The following AGMO variants were observed in gnomAD, a reference collection of about 807,000 sequenced individuals.
AGMO encodes glyceryl-ether monooxygenase.
Under a neutral mutation model 60.2 loss-of-function variants are expected in AGMO, and 75 were observed. The observed-to-expected ratio is 1.25, with a 90% CI of 1.03 to 1.51. AGMO has a LOEUF of 1.51. Among genes scored for constraint, AGMO ranks in the 40% most tolerant of loss-of-function variants. The pLI, the probability that AGMO is intolerant of heterozygous loss-of-function variation, is 0.00. For synonymous variants in AGMO, 261 were observed against 177.1 expected (o/e 1.47, Z -3.76); for missense variants, 763 against 525.5 (o/e 1.45, Z -4.42).
intron 8 of AGMO, among the ~76,000 whole-genome samples, chr7:15,389,736 T>C (rs962554797): frequency 6.6e-6 from 1 of 152,166 alleles, no homozygotes; most frequent in African/African-American, 2.4e-5. Context: ...ATTATTTAAA[T>C]TCTGAGAACC....
At chr7:15,416,632 C>T (rs1298169341) in intron 5 of AGMO, among the ~76,000 whole-genome samples, 2 of 152,022 alleles carry the variant, frequency 1.3e-5, no homozygotes, top group African/African-American at 2.4e-5. Flanking sequence ...ATATGCAGGG[C>T]TCTTTGGCTA....
intron 3 of AGMO, among the ~76,000 whole-genome samples, chr7:15,436,052 C>A (rs1178755843): frequency 6.6e-6 from 1 of 152,102 alleles, no homozygotes; most frequent in African/African-American, 2.4e-5. Flanking sequence ...TGGTTTCACT[C>A]ATAATCTGGA....
chr7:15,542,328 T>C (rs1245706605), intron 3 of AGMO, among the ~76,000 whole-genome samples: 2 of 152,182 alleles, frequency 1.3e-5, no homozygotes, highest in Non-Finnish European at 2.9e-5. Context: ...TGCCTGCCTT[T>C]TTTACTGGAT....
chr7:15,382,999 T>A (rs909431148), intron 10 of AGMO, among the ~76,000 whole-genome samples: 1 of 151,580 alleles, frequency 6.6e-6, no homozygotes, highest in African/African-American at 2.4e-5. Context: ...ATCACCTCAA[T>A]TTTTTTTTCA....
intron 12 of AGMO, among the ~76,000 whole-genome samples, chr7:15,353,621 C>T (rs905253794): frequency 2.0e-5 from 3 of 152,028 alleles, no homozygotes; most frequent in Middle Eastern, 3.2e-3. Flanking sequence ...GAAATTTTTC[C>T]GAAAACACCT....
chr7:15,522,220 T>A (rs75588563), intron 3 of AGMO, among the ~76,000 whole-genome samples: 120,141 of 152,086 alleles, frequency 0.79, 47,594 homozygotes, highest in East Asian at 0.97. Flanking sequence ...AAATGGAAAA[T>A]TATTCCATGC....
chr7:15,527,072 C>A (rs531087851), intron 3 of AGMO, among the ~76,000 whole-genome samples: 4 of 152,084 alleles, frequency 2.6e-5, no homozygotes, highest in African/African-American at 9.6e-5. Flanking sequence ...GAAATTAAGC[C>A]AATTAATAAC....
At chr7:15,518,908 C>T (rs1783901282) in intron 3 of AGMO, among the ~76,000 whole-genome samples, 1 of 151,678 alleles carries the variant, frequency 6.6e-6, no homozygotes, top group Non-Finnish European at 1.5e-5. Context: ...TGCAAGGAAG[C>T]TAAGAATATT....
At chr7:15,479,981 A>G (rs901616058) in intron 3 of AGMO, among the ~76,000 whole-genome samples, 1 of 152,168 alleles carries the variant, frequency 6.6e-6, no homozygotes, top group Non-Finnish European at 1.5e-5. Context: ...AAAAAGCAAC[A>G]TGAATCTGTT....
chr7:15,333,094 G>A (rs1781546544), intron 12 of AGMO, among the ~76,000 whole-genome samples: 1 of 152,036 alleles, frequency 6.6e-6, no homozygotes. Context: ...ATAATATCCT[G>A]CGCTAATGTG....
At chr7:15,284,533 A>T (rs980384713) in intron 12 of AGMO, among the ~76,000 whole-genome samples, 3 of 152,016 alleles carry the variant, frequency 2.0e-5, no homozygotes, top group Non-Finnish European at 4.4e-5. Context: ...AGAAATACAA[A>T]CCCTGAACAC....
At chr7:15,318,433 G>A (rs912022088) in intron 12 of AGMO, among the ~76,000 whole-genome samples, 2 of 152,038 alleles carry the variant, frequency 1.3e-5, no homozygotes, top group Admixed American at 6.6e-5. Context: ...ACTCAAAATG[G>A]CATTATTTAA....
chr7:15,474,235 A>G (rs1304875870), intron 3 of AGMO, among the ~76,000 whole-genome samples: 1 of 152,180 alleles, frequency 6.6e-6, no homozygotes, highest in African/African-American at 2.4e-5. Context: ...AAGAGCCCAT[A>G]TAGCCAAGAC....
the AGMO span, among the ~76,000 whole-genome samples, chr7:15,187,380 T>C: frequency 6.6e-6 from 1 of 152,176 alleles, no homozygotes; most frequent in Non-Finnish European, 1.5e-5. Context: ...AAAAGGAAAA[T>C]AACGATTTGC....
intron 12 of AGMO, among the ~76,000 whole-genome samples, chr7:15,253,869 T>G (rs1473756117): frequency 2.0e-5 from 3 of 152,146 alleles, no homozygotes; most frequent in Non-Finnish European, 2.9e-5. Context: ...ATTCTCCCAA[T>G]TCTCTGGTAA....
In AGMO at chr7:15,380,162, G is replaced by T. The variant is rs117234807; in HGVS notation, c.1074+5284C>A. Among the ~76,000 whole-genome samples, 1,432 of 152,160 alleles carry T rather than the reference G, an allele frequency of 9.4e-3. 16 individuals are homozygous for T. Among genetic ancestry groups the T allele is most frequent in the Non-Finnish European group, 0.016 (1,068 of 67,998 alleles). ...AACATAGTATTTTAAGTTCTGGGCA[G>T]GGCATTCAGGCAAGAGAAAGAAACA... On this transcript the variant is annotated intron_variant, in intron 10 of 12. Coordinates refer to ENST00000342526, the MANE Select transcript of AGMO (RefSeq NM_001004320.2).
In AGMO at chr7:15,367,075, T is replaced by C. The variant is rs1477078310; in HGVS notation, c.1075-853A>G. 3.3e-5 allele frequency among the ~76,000 whole-genome samples: 5 copies of C among 152,104 alleles called. No homozygotes were observed. In the East Asian group the frequency reaches 5.8e-4, roughly 18 times the overall value. ...ACATTCTGTATAAAAACTAATTCTT[T>C]TGGAAAAATGAACCATTTACAGTTT... is the stretch of plus-strand genomic sequence containing the variant. On this transcript the variant is annotated intron_variant, in intron 10 of 12. Transcript: ENST00000342526.
At chr7:15,548,125 CT>C (rs1214158334) in intron 2 of AGMO, among the ~76,000 whole-genome samples, 1 of 152,056 alleles carries the variant, frequency 6.6e-6, no homozygotes, top group Non-Finnish European at 1.5e-5. Context: ...AGAAGGAAAA[CT>C]AACAAACAGA....
the AGMO span, among the ~76,000 whole-genome samples, chr7:15,122,895 C>A: frequency 2.0e-5 from 3 of 151,944 alleles, no homozygotes; most frequent in Non-Finnish European, 2.9e-5. Flanking sequence ...TAAATATAAT[C>A]ATGTCACTAC....
Sources: allele counts gnomAD v4.1 joint callset (sites outside exome capture counted in the v4.1 genomes callset), GRCh38; gene constraint gnomAD v4.1.1; transcripts MANE v1.5; gene names NCBI Gene and HGNC (gene_info 2026-07-23, HGNC 2026-07-21).